The following NFASC variants were observed in gnomAD, a reference collection of about 807,000 sequenced individuals.
NFASC encodes neurofascin.
A neutral mutation model predicts 147.5 loss-of-function variants in NFASC; 43 were observed. The ratio of observed to expected loss-of-function variants is 0.29; its 90% confidence interval spans 0.23 to 0.38. NFASC has a LOEUF of 0.38. Among genes scored for constraint, NFASC ranks in the 10% least tolerant of loss-of-function variants. NFASC has a pLI of 1.00. For synonymous variants in NFASC, 622 were observed against 665.5 expected (o/e 0.93, Z 1.01); for missense variants, 1,320 against 1,689.0 (o/e 0.78, Z 3.83).
At chr1:204,886,754 G>A (rs916188844) in intron 1 of NFASC, among the ~76,000 whole-genome samples, 1 of 152,168 alleles carries the variant, frequency 6.6e-6, no homozygotes, top group Non-Finnish European at 1.5e-5. Context: ...ACTAGTTACT[G>A]ACAAAGTTGG....
At chr1:204,934,098 A>G (rs771247924) in intron 2 of NFASC, among the ~76,000 whole-genome samples, 4 of 144,474 alleles carry the variant, frequency 2.8e-5, no homozygotes, top group Non-Finnish European at 6.0e-5. Flanking sequence ...AGATCACGCT[A>G]TTGCACTCCA....
At position 205,020,099 on chromosome 1, in the gene NFASC, T is replaced by C. The variant is rs1490489604; in HGVS notation, c.*3560T>C. On this transcript the variant is annotated 3_prime_UTR_variant, in exon 30 of 30. Coordinates refer to ENST00000339876, the MANE Select transcript of NFASC (RefSeq NM_001005388.3). ...TTTGTGCTCTGAGAGGTTGGAGACA[T>C]CTGGTCCACCCCATTGCCCCTGCCC... The C allele has an allele frequency of 6.6e-6, 1 of 152,230 alleles. No homozygotes were observed. Among genetic ancestry groups the C allele is most frequent in the African/African-American group, 2.4e-5 (1 of 41,428 alleles). The allele number at this position is 152,230 out of a possible 1,614,324, so 9.4% of individuals were successfully genotyped here.
At chr1:204,920,009 C>G (rs1482061398) in intron 1 of NFASC, among the ~76,000 whole-genome samples, 1 of 152,210 alleles carries the variant, frequency 6.6e-6, no homozygotes. Flanking sequence ...CAGAACTGGT[C>G]TTGAACCCTG....
At chr1:204,917,442 T>C (rs551552536) in intron 1 of NFASC, among the ~76,000 whole-genome samples, 6 of 152,324 alleles carry the variant, frequency 3.9e-5, no homozygotes, top group African/African-American at 1.4e-4. Context: ...TCAATAATTA[T>C]CAATATAAGG....
chr1:204,991,240 T>C, intron 23 of NFASC, 52 bp from the exon 24 acceptor site: 10 of 1,599,732 alleles, frequency 6.3e-6, no homozygotes, highest in Middle Eastern at 1.7e-4. Context: ...TTCTCTTCCC[T>C]TTTCCATCCT....
At chr1:204,984,241 C>T (rs765963951) in intron 21 of NFASC, 7 of 774,204 alleles carry the variant, frequency 9.0e-6, no homozygotes, top group African/African-American at 8.7e-5. Context: ...GAAACCCTAG[C>T]GTTGTTTATT....
intron 24 of NFASC, among the ~76,000 whole-genome samples, chr1:204,995,346 G>GTGTA (rs1345975189): frequency 5.4e-5 from 8 of 148,170 alleles, no homozygotes; most frequent in African/African-American, 1.8e-4. Context: ...GTGTGTGTGT[G>GTGTA]TGTGTGTATG....
intron 8 of NFASC, chr1:204,967,839 T>G (rs994006597): frequency 1.2e-5 from 2 of 170,934 alleles, no homozygotes; most frequent in Admixed American, 1.2e-4. Flanking sequence ...CCTTCTCTGC[T>G]TCCAGATCCC....
chr1:204,861,393 C>T (rs1040947056), intron 1 of NFASC, among the ~76,000 whole-genome samples: 98 of 151,960 alleles, frequency 6.4e-4, no homozygotes, highest in African/African-American at 2.1e-3. Flanking sequence ...CTGACCTGAG[C>T]ACTTGCTTTC....
At position 204,846,929 on chromosome 1, in the gene NFASC, A is replaced by G. The variant is rs74141104; in HGVS notation, c.-200+18147A>G. On this transcript the variant is annotated intron_variant, in intron 1 of 29. Coordinates refer to ENST00000339876, the MANE Select transcript of NFASC (RefSeq NM_001005388.3). ...AGAATCTCAGTGGTGCTAATGGAAG[A>G]CTGCTGCCTGTGTGTGTGTACGCGT... 4.4e-3 allele frequency among the ~76,000 whole-genome samples: 656 copies of G among 147,696 alleles called. 8 individuals are homozygous for G. The highest frequency in any genetic ancestry group is 0.016 in the African/African-American group (617 of 38,356).
chr1:204,969,080 G>A (rs1290887095), intron 10 of NFASC, 98 bp downstream of exon 10: 1 of 1,090,130 alleles, frequency 9.2e-7, no homozygotes, highest in African/African-American at 1.6e-5. Context: ...GTGAGTCGGA[G>A]AGACTTCCAG....
At chr1:204,967,612 G>A (rs1218957804) in intron 8 of NFASC, among the ~76,000 whole-genome samples, 1 of 149,810 alleles carries the variant, frequency 6.7e-6, no homozygotes, top group South Asian at 2.1e-4. Flanking sequence ...CTCCTCCCCA[G>A]CTGTCTTCCC....
intron 1 of NFASC, among the ~76,000 whole-genome samples, chr1:204,894,076 A>T (rs60896484): frequency 6.6e-6 from 1 of 152,188 alleles, no homozygotes; most frequent in Non-Finnish European, 1.5e-5. Flanking sequence ...AACTCTTTGT[A>T]CCTGGATGTA....
intron 12 of NFASC, among the ~76,000 whole-genome samples, chr1:204,973,645 T>G (rs190061092): frequency 6.6e-6 from 1 of 152,312 alleles, no homozygotes; most frequent in East Asian, 1.9e-4. Flanking sequence ...ATCAACCTCC[T>G]CATTGTACAG....
At chr1:204,993,108 T>C (rs568658015) in intron 24 of NFASC, among the ~76,000 whole-genome samples, 14 of 152,274 alleles carry the variant, frequency 9.2e-5, no homozygotes, top group Non-Finnish European at 1.9e-4. Flanking sequence ...GGGTTCCATG[T>C]TTCTGACGTG....
intron 1 of NFASC, among the ~76,000 whole-genome samples, chr1:204,860,641 T>C (rs2076581099): frequency 6.6e-6 from 1 of 152,242 alleles, no homozygotes. Context: ...CAGTGGCATT[T>C]AGTACATTTA....
Position 204,926,398 on chromosome 1 carries a change from ATATATATATTTTTTTTTT to A in NFASC, c.-91+5660_-91+5677del, listed in dbSNP as rs1201283545. ...TTTTCATGTATATATATATATATAT[ATATATATATTTTTTTTTT>A]TTTTTTTTTTTTTTTTTGAGAGAGG... On this transcript the variant is annotated intron_variant, in intron 2 of 29. Coordinates refer to ENST00000339876, the MANE Select transcript of NFASC (RefSeq NM_001005388.3). Among the ~76,000 whole-genome samples, 12 of 94,620 alleles carry A rather than the reference ATATATATATTTTTTTTTT, an allele frequency of 1.3e-4. 1 individual carries two copies. The South Asian group carries it at 3.6e-3, about 28-fold the overall frequency. 62.1% of individuals were successfully genotyped at this position (94,620 alleles called of 152,430 possible).
chr1:204,977,860 A>G lies in NFASC; in HGVS notation c.1876+135A>G, dbSNP rs186281951. On this transcript the variant is annotated intron_variant, in intron 17 of 29. Transcript: ENST00000339876. ...TGGGCAGCACTCCTGGCTACATGGGACCTCCTTTGAGTTGCCCACGTCCAC... is the reference window on the plus strand; with the variant it reads ...TGGGCAGCACTCCTGGCTACATGGGGCCTCCTTTGAGTTGCCCACGTCCAC... 128 of 691,234 alleles carry G rather than the reference A, an allele frequency of 1.9e-4. No homozygotes were observed. In the African/African-American group the frequency reaches 2.2e-3, roughly 12 times the overall value. The allele number at this position is 691,234 out of a possible 1,614,324, so 42.8% of individuals were successfully genotyped here.
intron 1 of NFASC, among the ~76,000 whole-genome samples, chr1:204,841,457 C>A (rs1675326155): frequency 6.6e-6 from 1 of 152,196 alleles, no homozygotes; most frequent in Non-Finnish European, 1.5e-5. Context: ...AGATTCCAAT[C>A]TTCTGTTAGG....
Sources: gnomAD v4.1 joint callset for allele counts (sites outside exome capture counted in the v4.1 genomes callset) on GRCh38, gnomAD v4.1.1 for gene constraint, MANE v1.5 for transcripts, NCBI Gene and HGNC (gene_info 2026-07-23, HGNC 2026-07-21) for gene names.